TTBK2: variants seen among roughly 807,000 people sequenced by gnomAD.
TTBK2 encodes tau-tubulin kinase 2.
A neutral mutation model predicts 110.8 loss-of-function variants in TTBK2; 28 were observed. The ratio of observed to expected loss-of-function variants is 0.25; its 90% confidence interval spans 0.19 to 0.35. The LOEUF is 0.35. TTBK2 is among the 10% of genes least tolerant of loss of function. The probability of loss-of-function intolerance (pLI) is 1.00; values close to 1 mark genes in which losing one functional copy is unlikely to be tolerated. For missense variants in TTBK2, 1,369 were observed against 1,500.3 expected (o/e 0.91, Z 1.45); for synonymous variants, 532 against 527.3 (o/e 1.01, Z -0.12).
intron 1 of TTBK2, among the ~76,000 whole-genome samples, chr15:42,913,956 A>G (rs183084984): frequency 4.0e-4 from 61 of 152,072 alleles, no homozygotes; most frequent in African/African-American, 1.4e-3. Context: ...CTTCACTGCA[A>G]TAACATTTTA....
In TTBK2 at chr15:42,912,294, A is replaced by G. The variant is rs1192275544; in HGVS notation, c.-68+8144T>C. Among the ~76,000 whole-genome samples, 4 of 152,222 alleles carry G rather than the reference A, an allele frequency of 2.6e-5. No individual in the cohort carries two copies. The East Asian group carries it at 7.7e-4, about 29-fold the overall frequency. ...ATGTAAGAGGAAAAAGAGTCCATTT[A>G]GAAGACTATTACCATCACTATTATC... On this transcript the variant is annotated intron_variant, in intron 1 of 14. Transcript: ENST00000267890.
intron 13 of TTBK2, among the ~76,000 whole-genome samples, chr15:42,774,092 A>G (rs1489582398): frequency 6.6e-6 from 1 of 152,232 alleles, no homozygotes; most frequent in Non-Finnish European, 1.5e-5. Context: ...TTTGGAGCAC[A>G]GGCAAATTTC....
At chr15:42,800,869 C>T in intron 9 of TTBK2, 9 of 610,132 alleles carry the variant, frequency 1.5e-5, no homozygotes, top group Admixed American at 8.6e-5. Context: ...AGGGCTGAGC[C>T]TCGGGTGGGT....
At chr15:42,762,055 A>C (rs2062036167) in intron 13 of TTBK2, among the ~76,000 whole-genome samples, 1 of 152,152 alleles carries the variant, frequency 6.6e-6, no homozygotes, top group Non-Finnish European at 1.5e-5. Context: ...CCATCCATGT[A>C]AGATGTGACT....
chr15:42,886,840 C>T (rs192379263), intron 1 of TTBK2, among the ~76,000 whole-genome samples: 10 of 152,368 alleles, frequency 6.6e-5, no homozygotes, highest in African/African-American at 2.4e-4. Flanking sequence ...GGAATGCCCA[C>T]AGCCTGGGAT....
chr15:42,879,391 T>G (rs1894946952), intron 1 of TTBK2, among the ~76,000 whole-genome samples: 1 of 152,162 alleles, frequency 6.6e-6, no homozygotes, highest in African/African-American at 2.4e-5. Flanking sequence ...TGAGTATATT[T>G]AAGTATCTGC....
intron 13 of TTBK2, among the ~76,000 whole-genome samples, chr15:42,763,918 G>A (rs1244040993): frequency 6.6e-6 from 1 of 152,202 alleles, no homozygotes; most frequent in Non-Finnish European, 1.5e-5. Context: ...AAAGTTTAAT[G>A]TGTCTTTAAA....
intron 6 of TTBK2, 39 bp downstream of exon 6, chr15:42,827,889 T>C: frequency 1.3e-6 from 2 of 1,505,814 alleles, no homozygotes; most frequent in Non-Finnish European, 1.8e-6. Context: ...AATACCAGGG[T>C]AATTATCAAA....
chr15:42,867,106 T>C (rs1327520112), intron 3 of TTBK2, among the ~76,000 whole-genome samples: 1 of 151,546 alleles, frequency 6.6e-6, no homozygotes, highest in Non-Finnish European at 1.5e-5. Context: ...TAGCCGGGCA[T>C]GGTGGCAGGC....
chr15:42,879,877 A>G (rs1894969150), intron 1 of TTBK2, among the ~76,000 whole-genome samples: 1 of 151,920 alleles, frequency 6.6e-6, no homozygotes, highest in Non-Finnish European at 1.5e-5. Flanking sequence ...TGTACTCGTA[A>G]TCCCAGCTAC....
At chr15:42,872,527 G>T (rs967243297) in intron 3 of TTBK2, 84 bp downstream of exon 3, 1 of 1,503,098 alleles carries the variant, frequency 6.7e-7, no homozygotes, top group Non-Finnish European at 9.1e-7. Context: ...AGTACTTAAA[G>T]AATGTAATTA....
At chr15:42,790,085 G>A (rs1890588548) in intron 10 of TTBK2, among the ~76,000 whole-genome samples, 1 of 152,052 alleles carries the variant, frequency 6.6e-6, no homozygotes, top group Non-Finnish European at 1.5e-5. Context: ...ATTTCCACGT[G>A]CAAAGGAATT....
chr15:42,835,780 A>G (rs1446406779), intron 4 of TTBK2, among the ~76,000 whole-genome samples: 3 of 146,090 alleles, frequency 2.1e-5, no homozygotes, highest in Non-Finnish European at 4.7e-5. Flanking sequence ...ATATATAGAT[A>G]AAATATGCCT....
chr15:42,797,646 T>C (rs1891002281), intron 9 of TTBK2, among the ~76,000 whole-genome samples: 1 of 152,194 alleles, frequency 6.6e-6, no homozygotes, highest in African/African-American at 2.4e-5. Context: ...GTCAGGGACT[T>C]ACTTTTTTTG....
chr15:42,890,933 A>T (rs973663922), intron 1 of TTBK2, among the ~76,000 whole-genome samples: 3 of 152,120 alleles, frequency 2.0e-5, no homozygotes, highest in Non-Finnish European at 4.4e-5. Context: ...CACTGGCGCA[A>T]TCTTGGCTCA....
intron 9 of TTBK2, among the ~76,000 whole-genome samples, chr15:42,807,093 C>T (rs549151569): frequency 2.0e-5 from 3 of 152,220 alleles, no homozygotes; most frequent in East Asian, 1.9e-4. Flanking sequence ...GCTCTATGTC[C>T]CCCAAAGCAA....
At chr15:42,783,774 T>C (rs1428434562) in intron 10 of TTBK2, 139 bp from the exon 11 acceptor site, 4 of 796,380 alleles carry the variant, frequency 5.0e-6, no homozygotes, top group Non-Finnish European at 8.0e-6. Flanking sequence ...CTTGAAAACT[T>C]AGGTTGGCCG....
chr15:42,780,588 A>G (rs1274363839), intron 11 of TTBK2, among the ~76,000 whole-genome samples: 1 of 152,152 alleles, frequency 6.6e-6, no homozygotes, highest in African/African-American at 2.4e-5. Flanking sequence ...GATGAAAAAT[A>G]CCAACAAAAT....
intron 7 of TTBK2, among the ~76,000 whole-genome samples, chr15:42,816,073 A>C (rs1595942190): frequency 1.3e-5 from 1 of 74,298 alleles, no homozygotes; most frequent in Non-Finnish European, 2.2e-5. Context: ...TATATATAAA[A>C]ATAAATAAAT....
Sources: allele counts gnomAD v4.1 joint callset (sites outside exome capture counted in the v4.1 genomes callset), GRCh38; gene constraint gnomAD v4.1.1; transcripts MANE v1.5; gene names NCBI Gene and HGNC (gene_info 2026-07-23, HGNC 2026-07-21).